The following SYCP2 variants were observed in gnomAD, a reference collection of about 807,000 sequenced individuals.
SYCP2 encodes synaptonemal complex protein 2.
SYCP2 carries 55 observed loss-of-function variants against 211.3 expected under a neutral mutation model. That is an observed-to-expected ratio of 0.26 (90% CI 0.21 to 0.33). The LOEUF is 0.33. SYCP2 is among the 10% of genes least tolerant of loss of function. The pLI is 1.00. For synonymous variants in SYCP2, 570 were observed against 555.2 expected (o/e 1.03, Z -0.37); for missense variants, 1,731 against 1,752.0 (o/e 0.99, Z 0.21).
At chr20:59,918,376 C>G (rs2145865280) in intron 7 of SYCP2, among the ~76,000 whole-genome samples, 1 of 152,278 alleles carries the variant, frequency 6.6e-6, no homozygotes, top group South Asian at 2.1e-4. Context: ...CACAGACTGT[C>G]AAAACAGGAA....
At position 59,880,981 on chromosome 20, in the gene SYCP2, T is replaced by C; in HGVS notation, c.2757A>G (p.Lys919=). 6.7e-7 allele frequency: 1 copy of C among 1,484,398 alleles called. No homozygotes were observed. The highest frequency in any genetic ancestry group is 9.2e-7 in the Non-Finnish European group (1 of 1,084,242). 92.0% of individuals were successfully genotyped at this position (1,484,398 alleles called of 1,614,324 possible). Residue 919 remains lysine, a synonymous_variant, in exon 30 of 45, where the codon AAA becomes AAG. Transcript: ENST00000357552. ...RNHDELKSSV[K]TKDKKIITNH... is the part of the protein sequence containing the mutation. The stretch of plus-strand genomic sequence containing the variant: ...TATAACTTACTTTTTTATCTTTTGT[T>C]TTGACAGAAGATTTAAGTTCATCAT...
intron 18 of SYCP2, among the ~76,000 whole-genome samples, chr20:59,898,533 G>A (rs2145767612): frequency 6.6e-6 from 1 of 152,222 alleles, no homozygotes; most frequent in Non-Finnish European, 1.5e-5. Context: ...AACACAGGGA[G>A]AAGAACATCA....
intron 22 of SYCP2, 140 bp downstream of exon 22, chr20:59,893,002 C>T: frequency 1.5e-6 from 1 of 658,236 alleles, no homozygotes; most frequent in South Asian, 2.4e-5. Flanking sequence ...ATACATAATT[C>T]CCCATTGTGC....
intron 35 of SYCP2, among the ~76,000 whole-genome samples, chr20:59,873,572 G>GT (rs1289907694): frequency 6.6e-6 from 1 of 152,056 alleles, no homozygotes; most frequent in African/African-American, 2.4e-5. Context: ...TTGACTGTAG[G>GT]TAACTGAAAC....
At chr20:59,875,100 C>T (rs1425983589) in intron 34 of SYCP2, among the ~76,000 whole-genome samples, 171 bp downstream of exon 34, 1 of 151,928 alleles carries the variant, frequency 6.6e-6, no homozygotes, top group African/African-American at 2.4e-5. Flanking sequence ...TAGCATTGTT[C>T]CCATGTTATC....
rs781398802 is a variant in SYCP2 at position 59,921,324 on chromosome 20, T to C, written c.154A>G (p.Asn52Asp). ...CSKQFFHKVD[N>D]LICRELNKED... ...TGAATATTTACCCTGCATATAAGGTTGTCCACCTTGTGGAAAAACTGTTTG... is the reference window on the plus strand; with the variant it reads ...TGAATATTTACCCTGCATATAAGGTCGTCCACCTTGTGGAAAAACTGTTTG... The change falls in exon 4 of 45, where the codon AAC becomes GAC. Residue 52 changes from asparagine (N) to aspartate (D), a missense_variant. Asn to Asp is a conservative substitution (Grantham distance 23). Transcript: ENST00000357552. The C allele has an allele frequency of 6.2e-7, 1 of 1,603,208 alleles. No individual in the cohort carries two copies. Among genetic ancestry groups the C allele is most frequent in the South Asian group, 1.1e-5 (1 of 89,800 alleles).
chr20:59,868,770 T>G, intron 37 of SYCP2, 65 bp downstream of exon 37: 1 of 1,405,200 alleles, frequency 7.1e-7, no homozygotes, highest in South Asian at 1.3e-5. Context: ...CATAATTCCT[T>G]TAGTTGAAAT....
At chr20:59,875,541 T>C in intron 33 of SYCP2, 72 bp from the exon 34 acceptor site, 1 of 1,117,414 alleles carries the variant, frequency 8.9e-7, no homozygotes, top group Non-Finnish European at 1.3e-6. Context: ...AAACAAATTA[T>C]ATTCAAATAT....
At chr20:59,878,868 A>G (rs2059610765) in intron 31 of SYCP2, among the ~76,000 whole-genome samples, 1 of 152,100 alleles carries the variant, frequency 6.6e-6, no homozygotes. Flanking sequence ...AACCTAAGAA[A>G]TAAGATTATC....
chr20:59,915,247 TA>T (rs1389715665), intron 9 of SYCP2, 48 bp from the exon 10 acceptor site: 1 of 1,356,130 alleles, frequency 7.4e-7, no homozygotes, highest in Non-Finnish European at 1.0e-6. Context: ...ATCAATTAAA[TA>T]GGAAGTCCAC....
rs186175642 is a variant in SYCP2 at position 59,910,516 on chromosome 20, G to A, written c.972+1234C>T. 3.4e-3 allele frequency among the ~76,000 whole-genome samples: 510 copies of A among 151,414 alleles called. 4 individuals carry two copies. Among genetic ancestry groups the A allele is most frequent in the Middle Eastern group, 0.01 (3 of 292 alleles). Reference sequence around the variant, plus strand: ...CTGCCTCAACCTCCCGAGCAGCTGGGACTACAGGCGCCTGCCACCACGCCC... The same window carrying A: ...CTGCCTCAACCTCCCGAGCAGCTGGAACTACAGGCGCCTGCCACCACGCCC... On this transcript the variant is annotated intron_variant, in intron 14 of 44. Transcript: ENST00000357552.
intron 10 of SYCP2, among the ~76,000 whole-genome samples, chr20:59,914,843 CTATTA>C (rs986177240): frequency 2.0e-5 from 3 of 151,812 alleles, no homozygotes; most frequent in African/African-American, 4.8e-5. Context: ...TTATATTAAG[CTATTA>C]TATTAATCTA....
chr20:59,884,707 T>C (rs1208722720), intron 26 of SYCP2, among the ~76,000 whole-genome samples: 2 of 152,032 alleles, frequency 1.3e-5, no homozygotes, highest in African/African-American at 4.8e-5. Context: ...GTTGCATCGT[T>C]TGTGTGCTGT....
rs1248035566 is a variant in SYCP2, at chr20:59,900,109, A to G, written c.1404+29T>C. 5.0e-6 allele frequency: 8 copies of G among 1,608,366 alleles called. No individual in the cohort carries two copies. In the East Asian group the frequency reaches 1.6e-4, roughly 31 times the overall value. The stretch of plus-strand genomic sequence containing the variant: ...CAGTGATTTGATCAATGGTAGTTTT[A>G]TAAGCCAGTATTTTGACACCATCTT... On this transcript the variant is annotated intron_variant, in intron 18 of 44. Coordinates refer to ENST00000357552, the MANE Select transcript of SYCP2 (RefSeq NM_014258.4).
intron 32 of SYCP2, 85 bp downstream of exon 32, chr20:59,877,923 T>G: frequency 9.4e-7 from 1 of 1,068,546 alleles, no homozygotes; most frequent in Non-Finnish European, 1.4e-6. Context: ...ATAACAAGGA[T>G]AAAATTATGA....
rs879046035 is a variant in SYCP2, at chr20:59,914,231, T to C, written c.655A>G (p.Ile219Val). 1 of 1,587,530 alleles carries C rather than the reference T, an allele frequency of 6.3e-7. No individual in the cohort carries two copies. The highest frequency in any genetic ancestry group is 1.1e-5 in the South Asian group (1 of 87,120). ...GTCATTCTACACAAAGCTTCTACAA[T>C]GCCTACCTGTAAGTCATAATCTATT... ...DAGDYDLQVG[I>V]VEALCRMTTE... is the part of the protein sequence containing the mutation. The change falls in exon 11 of 45, where the codon ATT becomes GTT. Residue 219 changes from isoleucine (I) to valine (V), a missense_variant. Coordinates refer to ENST00000357552, the MANE Select transcript of SYCP2 (RefSeq NM_014258.4).
intron 7 of SYCP2, among the ~76,000 whole-genome samples, 186 bp downstream of exon 7, chr20:59,918,972 T>G (rs1471547972): frequency 1.3e-5 from 2 of 152,104 alleles, no homozygotes; most frequent in African/African-American, 4.8e-5. Flanking sequence ...TATTCTTAAT[T>G]GTTTTTCTCT....
chr20:59,926,278 A>G (rs917683023), intron 2 of SYCP2, among the ~76,000 whole-genome samples: 1 of 152,084 alleles, frequency 6.6e-6, no homozygotes, highest in African/African-American at 2.4e-5. Context: ...TGGATGGCTT[A>G]GAACAGCAGA....
intron 29 of SYCP2, 110 bp from the exon 30 acceptor site, chr20:59,881,133 T>C: frequency 1.6e-6 from 1 of 615,412 alleles, no homozygotes; most frequent in Non-Finnish European, 2.8e-6. Flanking sequence ...TTTTCACTAA[T>C]TAGCTATATT....
Sources: gnomAD v4.1 joint callset for allele counts (sites outside exome capture counted in the v4.1 genomes callset) on GRCh38, gnomAD v4.1.1 for gene constraint, MANE v1.5 for transcripts, NCBI Gene and HGNC (gene_info 2026-07-23, HGNC 2026-07-21) for gene names.